EBF1: variants seen among roughly 807,000 people sequenced by gnomAD.
EBF1 encodes the protein EBF transcription factor 1, also known as transcription factor COE1.
In EBF1, 10 loss-of-function variants were observed where a neutral mutation model predicts 68.4. That is an observed-to-expected ratio of 0.15 (90% CI 0.09 to 0.25). The LOEUF (loss-of-function observed/expected upper bound fraction) is 0.25. EBF1 is among the 10% of genes least tolerant of loss of function. The pLI is 1.00. For missense variants in EBF1, 509 were observed against 794.4 expected, an observed-to-expected ratio of 0.64 and a Z score of 4.32; for synonymous variants, 298 against 299.8, an observed-to-expected ratio of 0.99 and a Z score of 0.06.
At chr5:158,764,372 T>C (rs1005361499) in intron 10 of EBF1, among the ~76,000 whole-genome samples, 3 of 152,222 alleles carry the variant, frequency 2.0e-5, no homozygotes, top group Non-Finnish European at 4.4e-5. Context: ...TTTCACCATC[T>C]ATAAAGACAT....
At chr5:158,801,060 T>G (rs2127760276) in intron 8 of EBF1, among the ~76,000 whole-genome samples, 1 of 151,972 alleles carries the variant, frequency 6.6e-6, no homozygotes, top group East Asian at 1.9e-4. Flanking sequence ...GGGGGTGGGG[T>G]TTGCCTCTTT....
chr5:158,839,092 T>G (rs1789568499), intron 7 of EBF1, among the ~76,000 whole-genome samples: 1 of 152,204 alleles, frequency 6.6e-6, no homozygotes, highest in Admixed American at 6.5e-5. Flanking sequence ...TCAACAACCT[T>G]TTCTAAAATC....
intron 10 of EBF1, among the ~76,000 whole-genome samples, chr5:158,774,354 T>A (rs1437982494): frequency 1.3e-5 from 2 of 151,088 alleles, no homozygotes; most frequent in African/African-American, 4.9e-5. Flanking sequence ...GCCTTTTTTC[T>A]TTTTTTTTAA....
chr5:158,852,219 C>T (rs1007711081), intron 6 of EBF1, among the ~76,000 whole-genome samples: 1 of 151,046 alleles, frequency 6.6e-6, no homozygotes, highest in Non-Finnish European at 1.5e-5. Context: ...AAAGCTATTC[C>T]CCAAGGTGTG....
chr5:158,714,464 T>C (rs1310421448), intron 11 of EBF1, among the ~76,000 whole-genome samples: 1 of 152,200 alleles, frequency 6.6e-6, no homozygotes, highest in East Asian at 1.9e-4. Flanking sequence ...TATTGCTGAA[T>C]ACAATTCCTA....
At chr5:158,788,822 G>A (rs1777975499) in intron 9 of EBF1, among the ~76,000 whole-genome samples, 3 of 152,108 alleles carry the variant, frequency 2.0e-5, no homozygotes, top group Admixed American at 2.0e-4. Context: ...AGCTGAAAAT[G>A]TCATCTTAAA....
At chr5:158,762,401 T>G (rs1242136863) in intron 10 of EBF1, among the ~76,000 whole-genome samples, 1 of 152,232 alleles carries the variant, frequency 6.6e-6, no homozygotes, top group Non-Finnish European at 1.5e-5. Flanking sequence ...ACTGGCCCTT[T>G]TTGGCTTTTC....
At chr5:159,020,572 C>A (rs984479006) in intron 6 of EBF1, among the ~76,000 whole-genome samples, 9 of 152,204 alleles carry the variant, frequency 5.9e-5, no homozygotes, top group Admixed American at 2.6e-4. Context: ...AGTCCCATTT[C>A]CTGCACGCTC....
intron 6 of EBF1, among the ~76,000 whole-genome samples, chr5:158,978,835 C>CACACAGAGAGAG (rs753714441): frequency 4.1e-4 from 60 of 147,032 alleles, no homozygotes; most frequent in African/African-American, 1.5e-3. Flanking sequence ...CACACACACA[C>CACACAGAGAGAG]AGAGAGAGAG....
intron 11 of EBF1, among the ~76,000 whole-genome samples, chr5:158,724,932 A>T (rs1184448143): frequency 6.6e-6 from 1 of 152,248 alleles, no homozygotes; most frequent in African/African-American, 2.4e-5. Context: ...TTCACTTTCA[A>T]TATAGATAGA....
At chr5:158,807,914 C>G (rs1360037438) in intron 8 of EBF1, among the ~76,000 whole-genome samples, 2 of 152,158 alleles carry the variant, frequency 1.3e-5, no homozygotes, top group African/African-American at 2.4e-5. Context: ...CCTTGCCCAA[C>G]CTTTAATAAT....
At chr5:158,918,591 A>C (rs144691285) in intron 6 of EBF1, among the ~76,000 whole-genome samples, 140 of 152,352 alleles carry the variant, frequency 9.2e-4, no homozygotes, top group Non-Finnish European at 1.6e-3. Context: ...CTGATCCCTC[A>C]GTGGAACACT....
chr5:159,096,628 G>A, intron 2 of EBF1: 2 of 624,524 alleles, frequency 3.2e-6, no homozygotes, highest in Non-Finnish European at 5.6e-6. Context: ...GGCGCACACA[G>A]GCTATCCTCT....
At chr5:158,776,817 T>C (rs1775377992) in intron 10 of EBF1, among the ~76,000 whole-genome samples, 1 of 152,190 alleles carries the variant, frequency 6.6e-6, no homozygotes, top group African/African-American at 2.4e-5. Flanking sequence ...GCACTCAGCC[T>C]TTATACTTGA....
intron 12 of EBF1, 116 bp downstream of exon 12, chr5:158,714,001 C>T: frequency 3.8e-6 from 4 of 1,062,752 alleles, no homozygotes; most frequent in Non-Finnish European, 4.3e-6. Context: ...ATTACTTATA[C>T]TCTTAACTCA....
intron 10 of EBF1, among the ~76,000 whole-genome samples, chr5:158,740,851 T>C (rs1166645300): frequency 6.6e-6 from 1 of 152,208 alleles, no homozygotes; most frequent in South Asian, 2.1e-4. Flanking sequence ...ATTTTGCTTA[T>C]ACATTTATTG....
intron 6 of EBF1, among the ~76,000 whole-genome samples, chr5:158,866,247 CCT>C (rs1296552327): frequency 2.6e-5 from 4 of 152,164 alleles, no homozygotes; most frequent in African/African-American, 9.7e-5. Context: ...GCAGAAATGT[CCT>C]CTGAGACAGG....
chr5:158,771,883 AT>A (rs1190188601), intron 10 of EBF1, among the ~76,000 whole-genome samples: 1 of 152,154 alleles, frequency 6.6e-6, no homozygotes, highest in African/African-American at 2.4e-5. Flanking sequence ...TGCAAGCCTC[AT>A]TGCTATCAGC....
chr5:158,699,846 G>GGAGTGA (rs1193300471), intron 15 of EBF1, among the ~76,000 whole-genome samples: 1 of 152,188 alleles, frequency 6.6e-6, no homozygotes, highest in Non-Finnish European at 1.5e-5. Flanking sequence ...TGGGGAAGCT[G>GGAGTGA]GAGTGAGATC....
Sources: allele counts gnomAD v4.1 joint callset (sites outside exome capture counted in the v4.1 genomes callset), GRCh38; gene constraint gnomAD v4.1.1; transcripts MANE v1.5; gene names NCBI Gene and HGNC (gene_info 2026-07-23, HGNC 2026-07-21).